The following LRP1B variants were observed in gnomAD, a reference collection of about 807,000 sequenced individuals.
LRP1B encodes LDL receptor related protein 1B.
Under a neutral mutation model 556.6 loss-of-function variants are expected in LRP1B, and 217 were observed. The observed-to-expected ratio is 0.39, with a 90% CI of 0.35 to 0.44. The LOEUF (loss-of-function observed/expected upper bound fraction) is 0.44, where lower values mean the gene tolerates loss of function less well. LRP1B is among the 20% of genes least tolerant of loss of function. The pLI is 1.00. For missense variants in LRP1B, 5,053 were observed against 5,620.8 expected, an observed-to-expected ratio of 0.90 and a Z score of 3.23; for synonymous variants, 2,047 against 1,865.8, an observed-to-expected ratio of 1.10 and a Z score of -2.50.
intron 5 of LRP1B, among the ~76,000 whole-genome samples, chr2:141,244,066 T>C (rs1490522007): frequency 6.6e-6 from 1 of 152,166 alleles, no homozygotes; most frequent in Non-Finnish European, 1.5e-5. Context: ...TTGGGGTGAA[T>C]AGTAGGGAAG....
intron 2 of LRP1B, among the ~76,000 whole-genome samples, chr2:141,696,734 GA>G (rs923992978): frequency 1.3e-4 from 20 of 152,116 alleles, no homozygotes; most frequent in African/African-American, 4.3e-4. Flanking sequence ...TAGATGGAGA[GA>G]TTCAATTTTG....
At chr2:141,649,805 C>T (rs1689717168) in intron 2 of LRP1B, among the ~76,000 whole-genome samples, 1 of 152,114 alleles carries the variant, frequency 6.6e-6, no homozygotes, top group South Asian at 2.1e-4. Context: ...GAAAATTTAA[C>T]CTGAATTGAA....
chr2:141,467,969 G>A (rs1682310783), intron 3 of LRP1B, among the ~76,000 whole-genome samples: 1 of 151,852 alleles, frequency 6.6e-6, no homozygotes, highest in African/African-American at 2.4e-5. Flanking sequence ...TCTCTGCCCA[G>A]TTTGATGGGT....
intron 44 of LRP1B, 27 bp from the exon 45 acceptor site, chr2:140,541,125 C>T: frequency 6.4e-7 from 1 of 1,568,382 alleles, no homozygotes; most frequent in Non-Finnish European, 8.7e-7. Context: ...GTATTGGTAA[C>T]ATTTTATATC....
At chr2:141,403,341 A>T (rs958267763) in intron 3 of LRP1B, among the ~76,000 whole-genome samples, 188 of 152,162 alleles carry the variant, frequency 1.2e-3, no homozygotes, top group Admixed American at 2.2e-3. Flanking sequence ...AAAACTATTA[A>T]AAAAAACCCT....
intron 3 of LRP1B, among the ~76,000 whole-genome samples, chr2:141,359,812 A>T (rs562514024): frequency 2.1e-5 from 3 of 143,734 alleles, no homozygotes; most frequent in Admixed American, 7.7e-5. Context: ...TAAATATATC[A>T]ATATCTATGA....
chr2:142,088,807 C>G (rs1019871591), intron 1 of LRP1B, among the ~76,000 whole-genome samples: 4 of 151,726 alleles, frequency 2.6e-5, no homozygotes, highest in Admixed American at 2.6e-4. Context: ...AACCCCGTCT[C>G]TACTAAAAAC....
At chr2:141,539,065 G>C (rs1685159603) in intron 2 of LRP1B, among the ~76,000 whole-genome samples, 1 of 152,134 alleles carries the variant, frequency 6.6e-6, no homozygotes, top group African/African-American at 2.4e-5. Flanking sequence ...CACTTGAATA[G>C]TTATAAACCT....
chr2:141,912,622 C>T (rs918715839), intron 1 of LRP1B, among the ~76,000 whole-genome samples: 1 of 152,048 alleles, frequency 6.6e-6, no homozygotes, highest in Non-Finnish European at 1.5e-5. Flanking sequence ...CAGAACATGC[C>T]ACTCTGGTAT....
At chr2:141,466,810 C>A (rs139784414) in intron 3 of LRP1B, among the ~76,000 whole-genome samples, 2 of 151,830 alleles carry the variant, frequency 1.3e-5, no homozygotes, top group African/African-American at 4.8e-5. Context: ...CTATCTATAA[C>A]CTTTTTTTAA....
At chr2:141,782,957 G>T (rs1470575489) in intron 2 of LRP1B, among the ~76,000 whole-genome samples, 4 of 152,082 alleles carry the variant, frequency 2.6e-5, no homozygotes, top group Non-Finnish European at 5.9e-5. Flanking sequence ...TAAATGTTCA[G>T]AAGTCAGTGT....
chr2:141,398,007 T>C (rs761534737), intron 3 of LRP1B, among the ~76,000 whole-genome samples: 16 of 152,124 alleles, frequency 1.1e-4, no homozygotes, highest in Non-Finnish European at 2.1e-4. Flanking sequence ...CAGATAACAC[T>C]GTATGACTTG....
rs147535287 is a variant in LRP1B, at chr2:140,435,790, C to T, written c.10414+6714G>A. ...TATGAAAAACCTAATATGTTCATTC[C>T]ACTTAGACTATTTAGTGACTCCCAT... On this transcript the variant is annotated intron_variant, in intron 66 of 90. Coordinates refer to ENST00000389484, the MANE Select transcript of LRP1B (RefSeq NM_018557.3). Among the ~76,000 whole-genome samples, 86 of 152,168 alleles carry T rather than the reference C, an allele frequency of 5.7e-4. No individual in the cohort carries two copies. The East Asian group carries it at 0.015, about 26-fold the overall frequency.
intron 41 of LRP1B, among the ~76,000 whole-genome samples, chr2:140,664,860 T>C (rs532080905): frequency 2.6e-5 from 4 of 152,102 alleles, no homozygotes; most frequent in Non-Finnish European, 5.9e-5. Context: ...AAAATTCTGA[T>C]ATCTGGAATG....
intron 1 of LRP1B, among the ~76,000 whole-genome samples, chr2:141,923,312 G>A (rs932201819): frequency 3.3e-5 from 5 of 149,784 alleles, no homozygotes; most frequent in African/African-American, 1.2e-4. Flanking sequence ...TTTTTTAATG[G>A]TGAGAAAGGG....
At chr2:140,699,790 AT>A (rs1686564181) in intron 41 of LRP1B, among the ~76,000 whole-genome samples, 1 of 147,528 alleles carries the variant, frequency 6.8e-6, no homozygotes, top group South Asian at 2.1e-4. Context: ...ATCATATATA[AT>A]ATATATTATA....
intron 1 of LRP1B, among the ~76,000 whole-genome samples, chr2:142,013,485 G>T (rs1703019401): frequency 6.6e-6 from 1 of 151,450 alleles, no homozygotes; most frequent in South Asian, 2.1e-4. Flanking sequence ...CAATCAACAA[G>T]AACTATATAA....
intron 21 of LRP1B, among the ~76,000 whole-genome samples, chr2:140,913,622 C>A (rs902364460): frequency 1.3e-5 from 2 of 152,018 alleles, no homozygotes; most frequent in African/African-American, 4.8e-5. Flanking sequence ...AGTGACTACT[C>A]TTGCTACTCA....
chr2:141,640,836 T>A (rs1689302960), intron 2 of LRP1B, among the ~76,000 whole-genome samples: 2 of 150,830 alleles, frequency 1.3e-5, no homozygotes, highest in African/African-American at 4.9e-5. Context: ...TAAGAAAGAG[T>A]CCTTGTACTC....
Sources: allele counts gnomAD v4.1 joint callset (sites outside exome capture counted in the v4.1 genomes callset), GRCh38; gene constraint gnomAD v4.1.1; transcripts MANE v1.5; gene names NCBI Gene and HGNC (gene_info 2026-07-23, HGNC 2026-07-21).